The following COPB1 variants were observed in gnomAD, a reference collection of about 807,000 sequenced individuals.
COPB1 encodes the protein coatomer subunit beta.
In COPB1, 21 loss-of-function variants were observed where a neutral mutation model predicts 108.7. That is an observed-to-expected ratio of 0.19 (90% CI 0.14 to 0.28). The LOEUF (loss-of-function observed/expected upper bound fraction) is 0.28, where lower values mean the gene tolerates loss of function less well. Among genes scored for constraint, COPB1 ranks in the 10% least tolerant of loss-of-function variants. The probability of loss-of-function intolerance (pLI) is 1.00; values close to 1 mark genes in which losing one functional copy is unlikely to be tolerated. For synonymous variants in COPB1, 378 were observed against 386.8 expected, an observed-to-expected ratio of 0.98 and a Z score of 0.27; for missense variants, 919 against 1,141.3, an observed-to-expected ratio of 0.81 and a Z score of 2.81.
intron 11 of COPB1, 74 bp downstream of exon 11, chr11:14,479,495 T>C: frequency 7.1e-7 from 1 of 1,416,400 alleles, no homozygotes; most frequent in Non-Finnish European, 9.5e-7. Context: ...CTATTTTCTA[T>C]CAACTGACCC....
chr11:14,484,168 G>A (rs559016986), intron 7 of COPB1, among the ~76,000 whole-genome samples: 2 of 152,270 alleles, frequency 1.3e-5, no homozygotes, highest in African/African-American at 2.4e-5. Flanking sequence ...CTTCAAATGC[G>A]TCAAGGTCAT....
chr11:14,484,785 G>C (rs1850735226), intron 7 of COPB1, among the ~76,000 whole-genome samples: 1 of 152,240 alleles, frequency 6.6e-6, no homozygotes, highest in African/African-American at 2.4e-5. Flanking sequence ...TTTTCTGTAA[G>C]TTTAAAATTA....
intron 4 of COPB1, among the ~76,000 whole-genome samples, chr11:14,493,402 T>C (rs1850952274): frequency 6.6e-6 from 1 of 152,224 alleles, no homozygotes; most frequent in South Asian, 2.1e-4. Flanking sequence ...CTGTAAAGTA[T>C]ATAACTTATT....
chr11:14,479,159 T>C (rs1377456945), intron 11 of COPB1, among the ~76,000 whole-genome samples: 1 of 152,096 alleles, frequency 6.6e-6, no homozygotes, highest in Non-Finnish European at 1.5e-5. Context: ...TGAAGCAAAA[T>C]TTAGATGCAA....
chr11:14,460,767 G>A (rs1014449652), intron 19 of COPB1, among the ~76,000 whole-genome samples: 20 of 152,090 alleles, frequency 1.3e-4, no homozygotes, highest in Admixed American at 3.3e-4. Context: ...GCCTCCCAAA[G>A]TGCTGGGATT....
chr11:14,458,467 A>C (rs1216773569), intron 21 of COPB1, 65 bp downstream of exon 21: 1 of 1,460,696 alleles, frequency 6.8e-7, no homozygotes, highest in African/African-American at 1.4e-5. Flanking sequence ...TAGAAATAAT[A>C]AAGTCATAAA....
chr11:14,499,419 C>G (rs1467881509), intron 1 of COPB1, among the ~76,000 whole-genome samples: 2 of 152,124 alleles, frequency 1.3e-5, no homozygotes, highest in Non-Finnish European at 2.9e-5. Flanking sequence ...GCGCTGCACC[C>G]CCACCTCGCC....
chr11:14,472,899 A>C (rs1850438397), intron 14 of COPB1, among the ~76,000 whole-genome samples: 1 of 152,148 alleles, frequency 6.6e-6, no homozygotes, highest in Non-Finnish European at 1.5e-5. Context: ...GCTTAAGGGA[A>C]TCTTGTGGCT....
chr11:14,478,736 G>C (rs1170418938), intron 11 of COPB1, among the ~76,000 whole-genome samples: 1 of 151,738 alleles, frequency 6.6e-6, no homozygotes, highest in Non-Finnish European at 1.5e-5. Flanking sequence ...ACAAGTGTGA[G>C]CCACCATACC....
intron 14 of COPB1, among the ~76,000 whole-genome samples, chr11:14,470,514 T>C (rs760057165): frequency 1.3e-5 from 2 of 152,214 alleles, no homozygotes; most frequent in Non-Finnish European, 2.9e-5. Flanking sequence ...CACAAGTGAT[T>C]GCAACTTACT....
intron 21 of COPB1, 30 bp from the exon 22 acceptor site, chr11:14,457,913 T>C (rs1279739843): frequency 1.5e-6 from 2 of 1,325,892 alleles, no homozygotes; most frequent in Non-Finnish European, 2.1e-6. Context: ...TATTTATAAT[T>C]ATTTAAACTA....
chr11:14,469,641 A>C, intron 14 of COPB1, 78 bp from the exon 15 acceptor site: 3 of 1,220,454 alleles, frequency 2.5e-6, no homozygotes, highest in Non-Finnish European at 3.5e-6. Context: ...TATAACTCAC[A>C]ATCTAAATTT....
intron 19 of COPB1, among the ~76,000 whole-genome samples, chr11:14,460,806 A>T (rs1450510181): frequency 3.3e-5 from 5 of 152,168 alleles, no homozygotes; most frequent in Admixed American, 2.0e-4. Context: ...GCCCAGCCTC[A>T]TATAGAATAT....
intron 19 of COPB1, 78 bp from the exon 20 acceptor site, chr11:14,460,375 A>G (rs1431291041): frequency 9.1e-6 from 8 of 883,696 alleles, no homozygotes; most frequent in African/African-American, 3.4e-5. Context: ...ATGTCATATT[A>G]AAAACTTGTT....
At position 14,475,894 on chromosome 11, in the gene COPB1, C is replaced by T; in HGVS notation, c.1507G>A (p.Glu503Lys). 1 of 1,612,982 alleles carries T rather than the reference C, an allele frequency of 6.2e-7. No individual in the cohort carries two copies. The highest frequency in any genetic ancestry group is 8.5e-7 in the Non-Finnish European group (1 of 1,179,632). ...IKKEAGELKP[E>K]EEITVGPVQK... ...ACTGGCCCTACAGTTATTTCTTCTT[C>T]AGGTTTTAATTCACCAGCTTCTTTC... Residue 503 changes from glutamate to lysine, a missense_variant, in exon 13 of 22, where the codon GAA (glutamate) becomes AAA (lysine). Coordinates refer to ENST00000439561, the MANE Select transcript of COPB1 (RefSeq NM_001144061.2).
chr11:14,468,668 G>T lies in COPB1; in HGVS notation c.2145+13C>A. On this transcript the variant is annotated intron_variant, in intron 16 of 21. Transcript: ENST00000439561. ...GATTTAAATAATTTAGAGTCTATCAGACATTTTGTTACCTTGTTAAGTTTA... is the reference window on the plus strand; with the variant it reads ...GATTTAAATAATTTAGAGTCTATCATACATTTTGTTACCTTGTTAAGTTTA... The T allele has an allele frequency of 6.2e-7, 1 of 1,611,502 alleles. No homozygotes were observed. The highest frequency in any genetic ancestry group is 8.5e-7 in the Non-Finnish European group (1 of 1,178,400).
intron 5 of COPB1, among the ~76,000 whole-genome samples, 198 bp from the exon 6 acceptor site, chr11:14,488,782 A>C (rs1850831538): frequency 6.6e-6 from 1 of 152,194 alleles, no homozygotes; most frequent in East Asian, 1.9e-4. Flanking sequence ...TATTTTCTGG[A>C]AATGAGCCAC....
At chr11:14,490,825 T>G in intron 4 of COPB1, 146 bp from the exon 5 acceptor site, 1 of 555,642 alleles carries the variant, frequency 1.8e-6, no homozygotes, top group Non-Finnish European at 3.2e-6. Flanking sequence ...AGTCTCACTC[T>G]GTTGCCTGGG....
chr11:14,488,634 G>T, intron 5 of COPB1, 50 bp from the exon 6 acceptor site: 1 of 1,195,836 alleles, frequency 8.4e-7, no homozygotes, highest in Non-Finnish European at 1.2e-6. Flanking sequence ...TTCAATAGAA[G>T]GACTTAATGC....
Sources: allele counts gnomAD v4.1 joint callset (sites outside exome capture counted in the v4.1 genomes callset), GRCh38; gene constraint gnomAD v4.1.1; transcripts MANE v1.5; gene names NCBI Gene and HGNC (gene_info 2026-07-23, HGNC 2026-07-21).